Variants in DYM observed in about 807,000 individuals in gnomAD.
The protein encoded by DYM is dyggve-Melchior-Clausen syndrome protein.
In DYM, 78 loss-of-function variants were observed where a neutral mutation model predicts 93.1. The ratio of observed to expected loss-of-function variants is 0.84; its 90% CI spans 0.70 to 1.01. The LOEUF (loss-of-function observed/expected upper bound fraction) is 1.01, where lower values mean the gene tolerates loss of function less well. Ranked by LOEUF, DYM falls within the 50% of genes least tolerant of loss-of-function variation. The probability of loss-of-function intolerance (pLI) is 0.00; values close to 1 mark genes in which losing one functional copy is unlikely to be tolerated. For missense variants in DYM, 789 were observed against 845.0 expected, an observed-to-expected ratio of 0.93 and a Z score of 0.82; for synonymous variants, 321 against 319.7, an observed-to-expected ratio of 1.00 and a Z score of -0.04.
intron 8 of DYM, among the ~76,000 whole-genome samples, chr18:49,300,078 T>A (rs1350630049): frequency 4.4e-5 from 6 of 135,936 alleles, no homozygotes; most frequent in Non-Finnish European, 6.3e-5. Flanking sequence ...TAAATATATA[T>A]ATATATAAAT....
At chr18:49,275,543 A>G (rs1022769029) in intron 10 of DYM, among the ~76,000 whole-genome samples, 1 of 152,142 alleles carries the variant, frequency 6.6e-6, no homozygotes, top group Non-Finnish European at 1.5e-5. Context: ...CTCAATGTGT[A>G]TGTCAGTCTG....
rs185224966 is a variant in DYM, at chr18:49,057,122, A to G, written c.2026-12918T>C. On this transcript the variant is annotated intron_variant, in intron 17 of 17. Coordinates refer to ENST00000675505, the MANE Select transcript of DYM (RefSeq NM_001353214.3). ...GTCTTGATCTGGCCTTGGGCAGGCT[A>G]GAAATTTAACTGCACTGGTATAAAT... 5.9e-5 allele frequency among the ~76,000 whole-genome samples: 9 copies of G among 152,370 alleles called. No homozygotes were observed. In the East Asian group the frequency reaches 1.5e-3, roughly 26 times the overall value.
At chr18:49,130,637 T>C (rs1171526837) in intron 15 of DYM, among the ~76,000 whole-genome samples, 1 of 152,246 alleles carries the variant, frequency 6.6e-6, no homozygotes, top group Non-Finnish European at 1.5e-5. Context: ...TCTATTAAGA[T>C]GATCATGACT....
At chr18:49,200,478 T>C (rs896161807) in intron 14 of DYM, among the ~76,000 whole-genome samples, 1 of 151,858 alleles carries the variant, frequency 6.6e-6, no homozygotes, top group African/African-American at 2.4e-5. Context: ...ATATTCTTTT[T>C]TCATAAACAT....
intron 6 of DYM, among the ~76,000 whole-genome samples, chr18:49,346,444 T>C (rs1206701640): frequency 2.6e-5 from 4 of 152,156 alleles, no homozygotes; most frequent in Non-Finnish European, 5.9e-5. Context: ...AGAAGGCAGA[T>C]GAGTGGTTAC....
In DYM at chr18:49,320,608, G is replaced by A. The variant is rs192188832; in HGVS notation, c.763+11256C>T. 3.6e-3 allele frequency among the ~76,000 whole-genome samples: 555 copies of A among 152,162 alleles called. 1 individual carries two copies. The highest frequency in any genetic ancestry group is 9.4e-3 in the Admixed American group (143 of 15,276). On this transcript the variant is annotated intron_variant, in intron 8 of 17. Transcript: ENST00000675505. ...TCTCATCTCAGCCTACAGAATAGCT[G>A]GGATTACAGGTGCAACACCAAGTCC...
At chr18:49,304,590 T>C (rs1025893076) in intron 8 of DYM, among the ~76,000 whole-genome samples, 2 of 152,198 alleles carry the variant, frequency 1.3e-5, no homozygotes, top group African/African-American at 4.8e-5. Flanking sequence ...TGGTGACCTC[T>C]TAGTTCTCTC....
chr18:49,048,323 C>T (rs2071911848), intron 17 of DYM: 4 of 152,188 alleles, frequency 2.6e-5, no homozygotes, highest in Non-Finnish European at 4.4e-5. Context: ...CTCACACGGA[C>T]TCAGGGAGAA....
intron 14 of DYM, 28 bp from the exon 15 acceptor site, chr18:49,163,815 T>C (rs1225726395): frequency 7.1e-7 from 1 of 1,414,238 alleles, no homozygotes; most frequent in Non-Finnish European, 9.9e-7. Flanking sequence ...AAACCAATTA[T>C]ATTAAAGGAA....
intron 1 of DYM, among the ~76,000 whole-genome samples, chr18:49,438,849 A>C (rs1441644808): frequency 6.6e-6 from 1 of 152,234 alleles, no homozygotes; most frequent in African/African-American, 2.4e-5. Flanking sequence ...CTCTTCTGCA[A>C]TGATTCCTGC....
At chr18:49,245,976 G>C (rs2094155659) in intron 13 of DYM, among the ~76,000 whole-genome samples, 1 of 152,198 alleles carries the variant, frequency 6.6e-6, no homozygotes, top group Non-Finnish European at 1.5e-5. Context: ...TCCCCCGATA[G>C]GTGACTGCTA....
At chr18:49,344,924 G>T (rs1331378017) in intron 6 of DYM, among the ~76,000 whole-genome samples, 1 of 152,110 alleles carries the variant, frequency 6.6e-6, no homozygotes, top group East Asian at 1.9e-4. Flanking sequence ...TAAATTAAAA[G>T]ATAAGTGCTA....
intron 14 of DYM, chr18:49,208,893 G>T (rs914754908): frequency 2.6e-5 from 4 of 151,874 alleles, no homozygotes; most frequent in Non-Finnish European, 4.4e-5. Flanking sequence ...TTTGGTGCAC[G>T]ATAAACACAA....
intron 17 of DYM, among the ~76,000 whole-genome samples, chr18:49,085,739 C>G (rs1327608438): frequency 6.6e-6 from 1 of 151,372 alleles, no homozygotes; most frequent in East Asian, 2.0e-4. Context: ...TCCCAAGTAG[C>G]TGGGATTATA....
chr18:49,415,342 A>T lies in DYM; in HGVS notation c.140+14913T>A, dbSNP rs201457973. 5.7e-4 allele frequency among the ~76,000 whole-genome samples: 82 copies of T among 144,312 alleles called. 3 individuals are homozygous for T. The South Asian group carries it at 0.013, about 24-fold the overall frequency. 94.7% of individuals were successfully genotyped at this position (144,312 alleles called of 152,430 possible). ...CTCTCAAAAAAAAAAAAAAAAAAAA[A>T]TTAAAAAAATTTTAAAAATGAGAGA... On this transcript the variant is annotated intron_variant, in intron 2 of 17. Coordinates refer to ENST00000675505, the MANE Select transcript of DYM (RefSeq NM_001353214.3).
chr18:49,391,629 A>G lies in DYM; in HGVS notation c.157T>C (p.Leu53=), dbSNP rs1035286426. The G allele has an allele frequency of 2.5e-6, 4 of 1,613,520 alleles. No homozygotes were observed. The highest frequency in any genetic ancestry group is 2.7e-5 in the African/African-American group (2 of 75,046). Residue 53 remains leucine (L), a synonymous_variant, in exon 3 of 18, where the codon TTG becomes CTG. Transcript: ENST00000675505. ...CAGACTGAAATGGTTGCTTCCTCCA[A>G]GAGTTTCAACTCACTACTGGAGAGA... The part of the protein sequence containing the change: ...APTSSSELKL[L]EEATISVCRS...
At chr18:49,445,858 G>C (rs1004572801) in intron 1 of DYM, among the ~76,000 whole-genome samples, 6 of 152,154 alleles carry the variant, frequency 3.9e-5, no homozygotes, top group South Asian at 2.1e-4. Flanking sequence ...AGCAAACTAG[G>C]GGGAGGGAAG....
intron 13 of DYM, among the ~76,000 whole-genome samples, chr18:49,246,100 A>C (rs2094158438): frequency 6.6e-6 from 1 of 152,228 alleles, no homozygotes; most frequent in Non-Finnish European, 1.5e-5. Context: ...CATTGAACAA[A>C]TGAACAAATT....
chr18:49,192,395 T>C (rs1401070000), intron 14 of DYM, among the ~76,000 whole-genome samples: 3 of 152,238 alleles, frequency 2.0e-5, no homozygotes. Flanking sequence ...TCCAGTAGTT[T>C]AACAGTTTCA....
Sources: gnomAD v4.1 joint callset for allele counts (sites outside exome capture counted in the v4.1 genomes callset) on GRCh38, gnomAD v4.1.1 for gene constraint, MANE v1.5 for transcripts, NCBI Gene and HGNC (gene_info 2026-07-23, HGNC 2026-07-21) for gene names.